Variants in PSPC1 observed in about 807,000 individuals in gnomAD.
The protein encoded by PSPC1 is paraspeckle component 1, also known as paraspeckle protein 1.
In PSPC1, 14 loss-of-function variants were observed where a neutral mutation model predicts 51.6. The observed-to-expected ratio is 0.27, with a 90% CI of 0.18 to 0.42. The LOEUF (loss-of-function observed/expected upper bound fraction) is 0.42, where lower values mean the gene tolerates loss of function less well. Among genes scored for constraint, PSPC1 ranks in the 10% least tolerant of loss-of-function variants. PSPC1 has a pLI of 1.00. For synonymous variants in PSPC1, 193 were observed against 231.9 expected (o/e 0.83, Z 1.53); for missense variants, 406 against 701.1 (o/e 0.58, Z 4.75).
downstream of PSPC1, among the ~76,000 whole-genome samples, chr13:19,700,679 T>A (rs1190114782): frequency 6.6e-6 from 1 of 152,100 alleles, no homozygotes; most frequent in Non-Finnish European, 1.5e-5. Flanking sequence ...ACATGAAACA[T>A]TAAGTCCTGA....
intron 6 of PSPC1, among the ~76,000 whole-genome samples, chr13:19,690,173 C>T (rs182996325): frequency 1.3e-5 from 2 of 151,976 alleles, no homozygotes; most frequent in East Asian, 3.9e-4. Flanking sequence ...TTAGGTAGTC[C>T]CCTTCATCAC....
intron 4 of PSPC1, among the ~76,000 whole-genome samples, chr13:19,746,240 A>G (rs1384055657): frequency 1.3e-5 from 2 of 151,352 alleles, no homozygotes. Flanking sequence ...CATCTCTACT[A>G]CTAATACAAA....
chr13:19,772,605 T>A (rs1888722974), intron 1 of PSPC1, 62 bp from the exon 2 acceptor site: 1 of 1,497,938 alleles, frequency 6.7e-7, no homozygotes, highest in Admixed American at 2.2e-5. Flanking sequence ...CAAAACAGTG[T>A]TTGGCTTCTA....
At chr13:19,720,336 A>ATATAAAC (rs1226943990) in intron 6 of PSPC1, among the ~76,000 whole-genome samples, 21 of 152,346 alleles carry the variant, frequency 1.4e-4, no homozygotes, top group Admixed American at 9.2e-4. Context: ...AAAAGAACAA[A>ATATAAAC]TATAAACTGC....
Position 19,764,491 on chromosome 13 carries a change from G to A in PSPC1, c.675-5073C>T, listed in dbSNP as rs1033318787. Among the ~76,000 whole-genome samples the A allele has an allele frequency of 2.0e-5, 3 of 151,700 alleles. No homozygotes were observed. In the Admixed American group the frequency reaches 2.0e-4, roughly 10 times the overall value. On this transcript the variant is annotated intron_variant, in intron 2 of 8. Coordinates refer to ENST00000338910, the MANE Select transcript of PSPC1 (RefSeq NM_001354909.2). ...GTGGCTGATCTTTTCTTAGAACTGT[G>A]GAAACAAGGTAAAATATACAGTACT...
At chr13:19,724,758 G>A (rs1883163538) in intron 6 of PSPC1, among the ~76,000 whole-genome samples, 1 of 152,130 alleles carries the variant, frequency 6.6e-6, no homozygotes, top group African/African-American at 2.4e-5. Context: ...CCACCACTTT[G>A]GGAGGCCGAG....
intron 5 of PSPC1, among the ~76,000 whole-genome samples, chr13:19,734,801 C>CA (rs889988496): frequency 5.4e-4 from 79 of 146,446 alleles, no homozygotes; most frequent in South Asian, 1.5e-3. Flanking sequence ...GATTCCTTCT[C>CA]AAAAAAAAAA....
At chr13:19,680,414 G>T (rs1877145729) in intron 6 of PSPC1, among the ~76,000 whole-genome samples, 1 of 152,122 alleles carries the variant, frequency 6.6e-6, no homozygotes, top group South Asian at 2.1e-4. Context: ...CAAAAAAAGT[G>T]ACAAGGCTGA....
At chr13:19,762,360 A>G (rs1378435892) in intron 2 of PSPC1, among the ~76,000 whole-genome samples, 1 of 152,052 alleles carries the variant, frequency 6.6e-6, no homozygotes, top group Non-Finnish European at 1.5e-5. Context: ...GTTTGAGACC[A>G]GTCTGGCCAA....
chr13:19,690,546 C>T (rs1265192517), intron 6 of PSPC1, among the ~76,000 whole-genome samples: 1 of 152,202 alleles, frequency 6.6e-6, no homozygotes, highest in Admixed American at 6.5e-5. Context: ...AGCCTACTTT[C>T]CTGGAGAAAC....
chr13:19,687,562 G>A (rs559950213), intron 6 of PSPC1, among the ~76,000 whole-genome samples: 19 of 152,254 alleles, frequency 1.2e-4, no homozygotes, highest in African/African-American at 3.9e-4. Flanking sequence ...ATGGCACAGG[G>A]CCCCAACCCT....
chr13:19,777,429 C>CAAAAAAA (rs397938970), intron 1 of PSPC1, among the ~76,000 whole-genome samples: 1 of 47,860 alleles, frequency 2.1e-5, no homozygotes, highest in Non-Finnish European at 4.3e-5. Context: ...GACCTCAGCT[C>CAAAAAAA]AAAAAAAAAA....
At chr13:19,731,187 C>G (rs564383474) in intron 5 of PSPC1, among the ~76,000 whole-genome samples, 1 of 152,248 alleles carries the variant, frequency 6.6e-6, no homozygotes, top group Admixed American at 6.5e-5. Context: ...AGTCCACAAT[C>G]TGCTTTTAGA....
At chr13:19,719,018 C>A (rs545024661) in intron 6 of PSPC1, among the ~76,000 whole-genome samples, 1 of 151,722 alleles carries the variant, frequency 6.6e-6, no homozygotes, top group East Asian at 1.9e-4. Context: ...TGAAAATACT[C>A]TGTATGATGC....
chr13:19,774,818 A>T (rs138917111), intron 1 of PSPC1, among the ~76,000 whole-genome samples: 34 of 145,078 alleles, frequency 2.3e-4, no homozygotes, highest in Non-Finnish European at 4.5e-4. Flanking sequence ...AAAAAAAAAA[A>T]CAAAAAAAAA....
At chr13:19,764,237 G>C (rs1314784609) in intron 2 of PSPC1, among the ~76,000 whole-genome samples, 1 of 152,012 alleles carries the variant, frequency 6.6e-6, no homozygotes, top group African/African-American at 2.4e-5. Flanking sequence ...AACCACTTAA[G>C]ACTTGCCTTT....
In PSPC1 at chr13:19,736,632, G is replaced by A. The variant is rs561713102; in HGVS notation, c.1052+4933C>T. ...TGGGAGGCAGAGCTTGCAGTGAGCC[G>A]AGATCGCGCCACTGCACTCCAGCCT... On this transcript the variant is annotated intron_variant, in intron 5 of 8. Transcript: ENST00000338910. Among the ~76,000 whole-genome samples the A allele has an allele frequency of 1.1e-4, 17 of 152,194 alleles. No homozygotes were observed. In the South Asian group the frequency reaches 1.9e-3, roughly 17 times the overall value.
intron 2 of PSPC1, among the ~76,000 whole-genome samples, chr13:19,767,705 C>T (rs1888206711): frequency 6.6e-6 from 1 of 151,750 alleles, no homozygotes; most frequent in African/African-American, 2.4e-5. Flanking sequence ...GGTGCTGGAA[C>T]AACTGGAGAC....
chr13:19,671,958 A>G, downstream of PSPC1: 2 of 1,417,714 alleles, frequency 1.4e-6, no homozygotes, highest in East Asian at 2.3e-5. Context: ...CTTCTAGCAC[A>G]TCTATGTAAA....
Sources: allele counts gnomAD v4.1 joint callset (sites outside exome capture counted in the v4.1 genomes callset), GRCh38; gene constraint gnomAD v4.1.1; transcripts MANE v1.5; gene names NCBI Gene and HGNC (gene_info 2026-07-23, HGNC 2026-07-21).